BNC2: variants seen among roughly 807,000 people sequenced by gnomAD.
BNC2 encodes the protein basonuclin zinc finger protein 2, also known as zinc finger protein basonuclin-2.
BNC2 carries 20 observed loss-of-function variants against 76.3 expected under a neutral mutation model. The observed-to-expected ratio is 0.26, with a 90% CI of 0.18 to 0.38. The LOEUF is 0.38. BNC2 is among the 10% of genes least tolerant of loss of function. The pLI, the probability that BNC2 is intolerant of heterozygous loss-of-function variation, is 1.00. For missense variants in BNC2, 1,382 were observed against 1,399.8 expected (o/e 0.99, Z 0.20); for synonymous variants, 582 against 514.8 (o/e 1.13, Z -1.77).
At chr9:16,505,058 G>C (rs1251718549) in intron 5 of BNC2, among the ~76,000 whole-genome samples, 1 of 152,226 alleles carries the variant, frequency 6.6e-6, no homozygotes, top group African/African-American at 2.4e-5. Context: ...AGGCAATACT[G>C]CTAACTTTTC....
At chr9:16,496,992 C>T (rs1587097099) in intron 5 of BNC2, among the ~76,000 whole-genome samples, 1 of 152,182 alleles carries the variant, frequency 6.6e-6, no homozygotes, top group East Asian at 1.9e-4. Flanking sequence ...TAGATATGCA[C>T]GATGCTCTTT....
rs543496129 is a variant in BNC2, at chr9:16,683,811, A to C, written c.330+43986T>G. 2.6e-5 allele frequency among the ~76,000 whole-genome samples: 4 copies of C among 152,320 alleles called. No individual in the cohort carries two copies. The East Asian group carries it at 7.7e-4, about 29-fold the overall frequency. The stretch of plus-strand genomic sequence containing the variant: ...AAAGAAGAGAGGAAGAAATGCTTCA[A>C]GTGGGTCCCAGCTACTTGACTAACT... On this transcript the variant is annotated intron_variant, in intron 3 of 6. Transcript: ENST00000380672.
At chr9:16,643,268 T>A (rs1387589737) in intron 3 of BNC2, among the ~76,000 whole-genome samples, 1 of 143,534 alleles carries the variant, frequency 7.0e-6, no homozygotes, top group African/African-American at 2.6e-5. Context: ...ATCACGACAA[T>A]GCACTCCAGC....
At chr9:16,486,968 A>G (rs181619245) in intron 5 of BNC2, among the ~76,000 whole-genome samples, 214 of 152,284 alleles carry the variant, frequency 1.4e-3, no homozygotes, top group African/African-American at 5.0e-3. Flanking sequence ...CTTGGCCTCA[A>G]AAAGTACCAA....
At chr9:16,838,136 T>C (rs1177826471) in intron 1 of BNC2, among the ~76,000 whole-genome samples, 2 of 152,210 alleles carry the variant, frequency 1.3e-5, no homozygotes, top group South Asian at 2.1e-4. Context: ...GCATACATAA[T>C]GCGATATTTA....
At chr9:16,812,224 A>G (rs1333284205) in intron 1 of BNC2, among the ~76,000 whole-genome samples, 2 of 152,198 alleles carry the variant, frequency 1.3e-5, no homozygotes, top group Non-Finnish European at 2.9e-5. Context: ...GGCTTGATGT[A>G]AGGGCTCTGG....
intron 3 of BNC2, among the ~76,000 whole-genome samples, chr9:16,606,139 G>A (rs1464534698): frequency 1.3e-5 from 2 of 152,098 alleles, no homozygotes; most frequent in East Asian, 3.9e-4. Context: ...TGAGTCCTAA[G>A]TAAGAGAAGT....
chr9:16,813,585 G>C (rs868289748), intron 1 of BNC2, among the ~76,000 whole-genome samples: 4 of 152,122 alleles, frequency 2.6e-5, no homozygotes, highest in Non-Finnish European at 5.9e-5. Flanking sequence ...TATTTTTAGA[G>C]TCTTAAAAAT....
chr9:16,739,573 G>A (rs1824781861), intron 1 of BNC2, among the ~76,000 whole-genome samples: 1 of 152,184 alleles, frequency 6.6e-6, no homozygotes, highest in Admixed American at 6.5e-5. Context: ...TTGGGAAGCT[G>A]AGGCAGAGGA....
intron 3 of BNC2, among the ~76,000 whole-genome samples, chr9:16,664,177 T>A (rs1161856864): frequency 6.6e-6 from 1 of 152,198 alleles, no homozygotes; most frequent in Non-Finnish European, 1.5e-5. Flanking sequence ...ATTCATTTCA[T>A]CTCAAACACT....
At chr9:16,777,180 T>C (rs1825992766) in intron 1 of BNC2, among the ~76,000 whole-genome samples, 1 of 151,692 alleles carries the variant, frequency 6.6e-6, no homozygotes, top group South Asian at 2.1e-4. Flanking sequence ...AATAAATAAA[T>C]AAACGATAGG....
intron 1 of BNC2, among the ~76,000 whole-genome samples, chr9:16,858,616 G>A (rs1057327979): frequency 2.6e-5 from 4 of 152,066 alleles, no homozygotes; most frequent in African/African-American, 9.7e-5. Context: ...AGGCCGAGGC[G>A]GGTGGATCAC....
chr9:16,767,998 T>G (rs1825741701), intron 1 of BNC2, among the ~76,000 whole-genome samples: 1 of 151,348 alleles, frequency 6.6e-6, no homozygotes, highest in Non-Finnish European at 1.5e-5. Flanking sequence ...TGAAGTTTTG[T>G]TCTTTCACCC....
intron 3 of BNC2, among the ~76,000 whole-genome samples, chr9:16,626,737 G>A (rs760331709): frequency 9.3e-5 from 14 of 150,942 alleles, no homozygotes; most frequent in East Asian, 7.7e-4. Context: ...TTTTCCTTCC[G>A]TAATCAGGCT....
chr9:16,717,521 A>C (rs1333837551), intron 3 of BNC2, among the ~76,000 whole-genome samples: 5 of 152,214 alleles, frequency 3.3e-5, no homozygotes, highest in African/African-American at 1.2e-4. Flanking sequence ...TGATGTGATG[A>C]CCAAAGCTTT....
chr9:16,597,400 T>C (rs769682413), intron 3 of BNC2, among the ~76,000 whole-genome samples: 2 of 152,180 alleles, frequency 1.3e-5, no homozygotes, highest in Non-Finnish European at 2.9e-5. Flanking sequence ...AGTTGTACAG[T>C]GAAATTTTAA....
intron 3 of BNC2, among the ~76,000 whole-genome samples, chr9:16,636,644 G>A (rs1821337301): frequency 6.6e-6 from 1 of 152,114 alleles, no homozygotes; most frequent in African/African-American, 2.4e-5. Context: ...TATATGCCAT[G>A]AAGCATGGAT....
intron 5 of BNC2, among the ~76,000 whole-genome samples, chr9:16,444,694 G>A (rs369463924): frequency 1.3e-5 from 2 of 152,282 alleles, no homozygotes; most frequent in African/African-American, 2.4e-5. Context: ...GGAGTTTCAG[G>A]GAGATATTCT....
In BNC2 at chr9:16,419,175, G is replaced by A. The variant is rs763805326; in HGVS notation, c.3114C>T (p.Asn1038=). ...TGTTGCTGTACATTTTGTGGCAAAT[G>A]TTGCACATGATCCCACCATTGCTCC... The part of the protein sequence containing the change: ...LSGSNGGIMC[N]ICHKMYSNKG... The change falls in exon 7 of 7, where the codon AAC becomes AAT. Residue 1038 remains asparagine, a synonymous_variant. Coordinates refer to ENST00000380672, the MANE Select transcript of BNC2 (RefSeq NM_017637.6). 1 of 1,614,210 alleles carries A rather than the reference G, an allele frequency of 6.2e-7. No individual in the cohort carries two copies. Among genetic ancestry groups the A allele is most frequent in the Non-Finnish European group, 8.5e-7 (1 of 1,180,044 alleles).
Sources: allele counts gnomAD v4.1 joint callset (sites outside exome capture counted in the v4.1 genomes callset), GRCh38; gene constraint gnomAD v4.1.1; transcripts MANE v1.5; gene names NCBI Gene and HGNC (gene_info 2026-07-23, HGNC 2026-07-21).